DACH2: variants seen among roughly 807,000 people sequenced by gnomAD.
DACH2 encodes the protein dachshund family transcription factor 2, also known as dachshund homolog 2.
A neutral mutation model predicts 35.8 loss-of-function variants in DACH2; 17 were observed. The observed-to-expected ratio is 0.48, with a 90% CI of 0.33 to 0.71. The LOEUF is 0.71. DACH2 is among the 30% of genes least tolerant of loss of function. The probability of loss-of-function intolerance (pLI) is 0.02; values close to 1 mark genes in which losing one functional copy is unlikely to be tolerated. For missense variants in DACH2, 469 were observed against 472.7 expected, an observed-to-expected ratio of 0.99 and a Z score of 0.07; for synonymous variants, 195 against 177.3, an observed-to-expected ratio of 1.10 and a Z score of -0.79.
chrX:86,308,906 A>G (rs186719775), intron 1 of DACH2, among the ~76,000 whole-genome samples: 81 of 111,129 alleles, frequency 7.3e-4, no homozygotes, highest in African/African-American at 2.3e-3. Flanking sequence ...AGTGGGTCCA[A>G]TGAGTCACTG....
intron 3 of DACH2, among the ~76,000 whole-genome samples, chrX:86,647,547 TTGAGA>T (rs2040429752): frequency 9.0e-6 from 1 of 110,581 alleles, no homozygotes; most frequent in South Asian, 3.8e-4. Context: ...GTGCTATTAG[TTGAGA>T]TGAGCAAAGT....
At chrX:86,580,799 C>T (rs146505872) in intron 3 of DACH2, among the ~76,000 whole-genome samples, 72 of 111,919 alleles carry the variant, frequency 6.4e-4, no homozygotes, top group Middle Eastern at 4.7e-3. Flanking sequence ...AAATAAGCAA[C>T]GTGGAAAACA....
rs1199288414 is a variant in DACH2, at chrX:86,282,923, G to A, written c.489-93901G>A. Among the ~76,000 whole-genome samples, 2 of 42,188 alleles carry A rather than the reference G, an allele frequency of 4.7e-5. 1 individual carries two copies. The highest frequency in any genetic ancestry group is 7.1e-5 in the Non-Finnish European group (2 of 28,099). 36.6% of individuals were successfully genotyped at this position (42,188 alleles called of 115,157 possible). ...CTCCCAAGTAGCTGGGACTACAGGC[G>A]CCCGCCACTACGCCCGGCTAATTTT... On this transcript the variant is annotated intron_variant, in intron 1 of 11. Coordinates refer to ENST00000373125, the MANE Select transcript of DACH2 (RefSeq NM_053281.3).
chrX:86,394,187 A>G (rs1326187038), intron 2 of DACH2, among the ~76,000 whole-genome samples: 1 of 109,751 alleles, frequency 9.1e-6, no homozygotes, highest in East Asian at 2.8e-4. Flanking sequence ...TTACGTTATG[A>G]TCCCTGTTAT....
chrX:86,244,450 C>T (rs1028625529), intron 1 of DACH2, among the ~76,000 whole-genome samples: 27 of 111,612 alleles, frequency 2.4e-4, no homozygotes, highest in African/African-American at 8.8e-4. Flanking sequence ...AGAAAATATC[C>T]AATTTCCTCC....
In DACH2 at chrX:86,611,957, CTGTG is replaced by C. The variant is rs140254063; in HGVS notation, c.641-39054_641-39051del. ...AAGACAGTTGTTGAAGTTGTTGTTC[CTGTG>C]TGTGTGTGTGTGTGTGTGTGTGTGG... On this transcript the variant is annotated intron_variant, in intron 3 of 11. Transcript: ENST00000373125. Among the ~76,000 whole-genome samples, 12 of 100,683 alleles carry C rather than the reference CTGTG, an allele frequency of 1.2e-4. No individual in the cohort carries two copies. In the South Asian group the frequency reaches 2.9e-3, roughly 24 times the overall value. The allele number at this position is 100,683 out of a possible 115,157, so 87.4% of individuals were successfully genotyped here. A position where few individuals can be genotyped will look rare whatever the true frequency, so the allele number is the denominator to read the frequency against.
chrX:86,159,493 G>T (rs1433707767), intron 1 of DACH2, among the ~76,000 whole-genome samples: 3 of 111,349 alleles, frequency 2.7e-5, no homozygotes. Flanking sequence ...TGCAAAAGGG[G>T]AATTTGTTCA....
intron 1 of DACH2, among the ~76,000 whole-genome samples, chrX:86,291,083 A>C (rs1387996637): frequency 2.0e-5 from 2 of 100,741 alleles, no homozygotes; most frequent in South Asian, 4.9e-4. Flanking sequence ...ATTTGTTTGT[A>C]TCCTCTTTTA....
At position 86,450,470 on chromosome X, in the gene DACH2, C is replaced by G. The variant is rs2037354635; in HGVS notation, c.528-63809C>G. On this transcript the variant is annotated intron_variant, in intron 2 of 11. Transcript: ENST00000373125. The stretch of plus-strand genomic sequence containing the variant: ...AGCACATTTTCTTTATCCAGTCTAT[C>G]ATTGATGGGGATTTAGGTTGATTCC... Among the ~76,000 whole-genome samples the G allele has an allele frequency of 2.7e-5, 3 of 111,133 alleles. No homozygotes were observed. In the South Asian group the frequency reaches 1.1e-3, roughly 42 times the overall value.
chrX:86,571,784 C>G (rs1044677052), intron 3 of DACH2, among the ~76,000 whole-genome samples: 1 of 110,510 alleles, frequency 9.0e-6, no homozygotes, highest in Non-Finnish European at 1.9e-5. Context: ...TTTCTTCTAA[C>G]AAAGCTTACT....
At chrX:86,244,605 C>T (rs751730390) in intron 1 of DACH2, among the ~76,000 whole-genome samples, 8 of 111,536 alleles carry the variant, frequency 7.2e-5, no homozygotes, top group South Asian at 3.8e-4. Context: ...TAGAGTGAGA[C>T]GCCATCTCTA....
chrX:86,563,825 G>A (rs2039259138), intron 3 of DACH2, among the ~76,000 whole-genome samples: 1 of 110,800 alleles, frequency 9.0e-6, no homozygotes, highest in South Asian at 3.7e-4. Context: ...AACATAATGT[G>A]CGATTATTGG....
At chrX:86,573,416 C>G (rs57435601) in intron 3 of DACH2, among the ~76,000 whole-genome samples, 1 of 111,373 alleles carries the variant, frequency 9.0e-6, no homozygotes. Flanking sequence ...CTGGGGCTCT[C>G]CCATGCATTA....
chrX:86,741,503 G>T (rs2147261623), intron 7 of DACH2, among the ~76,000 whole-genome samples: 1 of 111,530 alleles, frequency 9.0e-6, no homozygotes, highest in Non-Finnish European at 1.9e-5. Context: ...AAGAACCAGT[G>T]GATCAGAACT....
intron 4 of DACH2, among the ~76,000 whole-genome samples, chrX:86,660,098 C>T (rs145335201): frequency 5.0e-4 from 56 of 111,005 alleles, no homozygotes; most frequent in African/African-American, 1.8e-3. Context: ...TGTATTATTG[C>T]CTCAACTTAA....
intron 5 of DACH2, among the ~76,000 whole-genome samples, chrX:86,699,846 A>G (rs1324145036): frequency 9.0e-6 from 1 of 111,681 alleles, no homozygotes; most frequent in East Asian, 2.8e-4. Flanking sequence ...ATAATGCTAT[A>G]AACTTCAATA....
At chrX:86,555,983 C>A (rs1466998405) in intron 3 of DACH2, among the ~76,000 whole-genome samples, 2 of 111,438 alleles carry the variant, frequency 1.8e-5, no homozygotes, top group African/African-American at 6.5e-5. Context: ...CAAGATTTCC[C>A]AACCAATACA....
chrX:86,293,882 G>A (rs1281763204), intron 1 of DACH2, among the ~76,000 whole-genome samples: 3 of 110,808 alleles, frequency 2.7e-5, no homozygotes, highest in Non-Finnish European at 5.7e-5. Context: ...CAACTTTGGT[G>A]AATCTGACAA....
intron 7 of DACH2, among the ~76,000 whole-genome samples, chrX:86,740,332 ATTTAT>A (rs2041640686): frequency 9.1e-6 from 1 of 110,055 alleles, no homozygotes; most frequent in African/African-American, 3.3e-5. Context: ...ACCTACATGT[ATTTAT>A]TTTATTTTAT....
Sources: allele counts gnomAD v4.1 joint callset (sites outside exome capture counted in the v4.1 genomes callset), GRCh38; gene constraint gnomAD v4.1.1; transcripts MANE v1.5; gene names NCBI Gene and HGNC (gene_info 2026-07-23, HGNC 2026-07-21).